ITSN1: variants seen among roughly 807,000 people sequenced by gnomAD.
ITSN1 encodes intersectin-1.
Under a neutral mutation model 239.8 loss-of-function variants are expected in ITSN1, and 58 were observed. That is an observed-to-expected ratio of 0.24 (90% confidence interval 0.20 to 0.30). The LOEUF (loss-of-function observed/expected upper bound fraction) is 0.30, where lower values mean the gene tolerates loss of function less well. ITSN1 is among the 10% of genes least tolerant of loss of function. The pLI is 1.00. For missense variants in ITSN1, 1,558 were observed against 2,103.3 expected (o/e 0.74, Z 5.07); for synonymous variants, 780 against 770.8 (o/e 1.01, Z -0.20).
At chr21:33,662,907 G>A (rs1390863223) in intron 1 of ITSN1, among the ~76,000 whole-genome samples, 1 of 152,154 alleles carries the variant, frequency 6.6e-6, no homozygotes. Context: ...TACAGATGAG[G>A]ACCTCGAATT....
Position 33,722,615 on chromosome 21 carries a change from A to C in ITSN1, c.149A>C (p.Gln50Pro). 1 of 1,567,778 alleles carries C rather than the reference A, an allele frequency of 6.4e-7. No individual in the cohort carries two copies. The highest frequency in any genetic ancestry group is 8.6e-7 in the Non-Finnish European group (1 of 1,164,792). Reference protein sequence around the residue: ...TGDQARNFFFQSGLPQPVLAQ... With the variant: ...TGDQARNFFFPSGLPQPVLAQ... ...GATCAAGCTAGAAACTTTTTTTTTC[A>C]ATCTGGGTTACCTCAACCTGTTTTA... Residue 50 changes from glutamine to proline, a missense_variant, in exon 4 of 40, where the codon CAA becomes CCA. Around this residue, in one of 2 missense-constraint regions of ITSN1, gnomAD observed 982 missense variants for 1,209.9 expected, o/e 0.81. Coordinates refer to ENST00000381318, the MANE Select transcript of ITSN1 (RefSeq NM_003024.3).
chr21:33,745,457 C>T (rs1216741943), intron 5 of ITSN1, among the ~76,000 whole-genome samples: 1 of 152,146 alleles, frequency 6.6e-6, no homozygotes, highest in East Asian at 1.9e-4. Context: ...GACAGAATAA[C>T]CATTTCAGTG....
At chr21:33,646,379 A>G (rs1190615568) in intron 1 of ITSN1, among the ~76,000 whole-genome samples, 2 of 152,240 alleles carry the variant, frequency 1.3e-5, no homozygotes, top group South Asian at 2.1e-4. Context: ...TCTTATATCA[A>G]AATATCATTT....
chr21:33,712,649 T>G (rs980194081), intron 1 of ITSN1, among the ~76,000 whole-genome samples: 5 of 152,212 alleles, frequency 3.3e-5, no homozygotes, highest in Admixed American at 6.5e-5. Flanking sequence ...TCTCTGCACC[T>G]GTGCTTCACT....
chr21:33,732,289 C>T (rs964091180), intron 4 of ITSN1, among the ~76,000 whole-genome samples: 1 of 152,110 alleles, frequency 6.6e-6, no homozygotes, highest in African/African-American at 2.4e-5. Flanking sequence ...TAATGCTGGT[C>T]AGCTGGGCCT....
intron 29 of ITSN1, among the ~76,000 whole-genome samples, chr21:33,846,811 G>A (rs2268253): frequency 0.2 from 30,239 of 152,168 alleles, 4,473 homozygotes; most frequent in African/African-American, 0.39. Context: ...CCCTCCCCAG[G>A]AGGAAAGGAA....
At chr21:33,776,544 CAAAAAAA>C (rs34789155) in intron 14 of ITSN1, among the ~76,000 whole-genome samples, 26 of 88,814 alleles carry the variant, frequency 2.9e-4, no homozygotes, top group South Asian at 2.5e-3. Context: ...AGACCCTGTT[CAAAAAAA>C]AAAAAAAAAA....
intron 27 of ITSN1, among the ~76,000 whole-genome samples, chr21:33,833,183 G>T (rs979850919): frequency 1.3e-5 from 2 of 151,950 alleles, no homozygotes; most frequent in African/African-American, 4.8e-5. Context: ...TAAACTCCCC[G>T]GGTTTATAGG....
chr21:33,898,909 CAAATCACTT>C lies in ITSN1; in HGVS notation c.*10611_*10619del, dbSNP rs1366690805. 1.3e-5 allele frequency: 2 copies of C among 152,224 alleles called. No homozygotes were observed. Among genetic ancestry groups the C allele is most frequent in the Non-Finnish European group, 2.9e-5 (2 of 68,056 alleles). The allele number at this position is 152,224 out of a possible 1,614,324, so 9.4% of individuals were successfully genotyped here. A position where few individuals can be genotyped will look rare whatever the true frequency, so the allele number is the denominator to read the frequency against. The stretch of plus-strand genomic sequence containing the variant: ...TCTATTTAGGTGCATGAATAATCTG[CAAATCACTT>C]AGAGGCACTGTCCATGTGGTCCATA... On this transcript the variant is annotated 3_prime_UTR_variant, in exon 40 of 40. Transcript: ENST00000381318.
chr21:33,648,798 T>A (rs2088217874), intron 1 of ITSN1, among the ~76,000 whole-genome samples: 1 of 151,208 alleles, frequency 6.6e-6, no homozygotes, highest in African/African-American at 2.4e-5. Context: ...GCCACAGCAC[T>A]CCAGACTGGG....
At chr21:33,735,893 A>G (rs546039043) in intron 5 of ITSN1, among the ~76,000 whole-genome samples, 1 of 152,154 alleles carries the variant, frequency 6.6e-6, no homozygotes, top group South Asian at 2.1e-4. Context: ...AATCCCAGCT[A>G]CTCGGAGAGG....
intron 1 of ITSN1, chr21:33,643,644 T>C (rs574735516): frequency 1.3e-5 from 2 of 152,236 alleles, no homozygotes; most frequent in East Asian, 3.9e-4. Flanking sequence ...TATAGCCTCT[T>C]CAATATGAAA....
At chr21:33,801,447 G>A (rs1195302987) in intron 19 of ITSN1, among the ~76,000 whole-genome samples, 1 of 152,030 alleles carries the variant, frequency 6.6e-6, no homozygotes, top group African/African-American at 2.4e-5. Context: ...GAAGAAGCAA[G>A]GCCAAACATC....
At chr21:33,815,591 A>T (rs2073212583) in intron 22 of ITSN1, among the ~76,000 whole-genome samples, 1 of 152,202 alleles carries the variant, frequency 6.6e-6, no homozygotes, top group Admixed American at 6.5e-5. Context: ...AAAAGGAAAG[A>T]GAAGGACCAG....
At chr21:33,693,327 T>TTTTTGTTTTG (rs376620937) in intron 1 of ITSN1, among the ~76,000 whole-genome samples, 1 of 151,564 alleles carries the variant, frequency 6.6e-6, no homozygotes, top group African/African-American at 2.4e-5. Context: ...TTCTTGCTGT[T>TTTTTGTTTTG]TTTTGTTTTG....
At chr21:33,675,177 G>A (rs1318979803) in intron 1 of ITSN1, among the ~76,000 whole-genome samples, 2 of 152,062 alleles carry the variant, frequency 1.3e-5, no homozygotes, top group African/African-American at 4.8e-5. Flanking sequence ...ATCTTACTCT[G>A]AAAAACTTTG....
rs1284318009 is a variant in ITSN1, at chr21:33,794,356, C to T, written c.1840C>T (p.His614Tyr). Residue 614 changes from histidine to tyrosine, a missense_variant, in exon 17 of 40, where the codon CAC becomes TAC. By Grantham distance (83) the His-to-Tyr change is moderately conservative. Coordinates refer to ENST00000381318, the MANE Select transcript of ITSN1 (RefSeq NM_003024.3). ...NNQLKELREI[H>Y]NKQQLQKQKS... is the part of the protein sequence containing the mutation. ...TTAATTATAGGAACTAAGAGAAATA[C>T]ACAATAAGCAACAACTCCAGAAGCA... is the stretch of plus-strand genomic sequence containing the variant. 2 of 1,612,678 alleles carry T rather than the reference C, an allele frequency of 1.2e-6. No homozygotes were observed. Among genetic ancestry groups the T allele is most frequent in the Non-Finnish European group, 8.5e-7 (1 of 1,179,368 alleles).
chr21:33,782,097 A>G lies in ITSN1; in HGVS notation c.1788A>G (p.Lys596=). ...LDEVEKETRS[K]LQEIDIFNNQ... ...AAGTGGAGAAAGAAACTAGATCAAA[A>G]CTACAGGAGATTGATATTTTCAATA... Residue 596 remains lysine (K), a synonymous_variant, in exon 16 of 40, where the codon AAA becomes AAG. Transcript: ENST00000381318. 1 of 1,613,904 alleles carries G rather than the reference A, an allele frequency of 6.2e-7. No homozygotes were observed. Among genetic ancestry groups the G allele is most frequent in the Non-Finnish European group, 8.5e-7 (1 of 1,179,858 alleles).
At chr21:33,689,577 A>G (rs1489816104) in intron 1 of ITSN1, among the ~76,000 whole-genome samples, 1 of 152,166 alleles carries the variant, frequency 6.6e-6, no homozygotes. Context: ...CGTAGAGGCT[A>G]ACATGGGAGG....
Sources: allele counts gnomAD v4.1 joint callset (sites outside exome capture counted in the v4.1 genomes callset), GRCh38; gene constraint gnomAD v4.1.1; regional missense constraint gnomAD v4.1.1; transcripts MANE v1.5; gene names NCBI Gene and HGNC (gene_info 2026-07-23, HGNC 2026-07-21).